Variants in AFF3 observed in about 807,000 individuals in gnomAD.
AFF3 encodes the protein AF4/FMR2 family member 3.
Under a neutral mutation model 129.7 loss-of-function variants are expected in AFF3, and 32 were observed. The observed-to-expected ratio is 0.25, with a 90% CI of 0.19 to 0.33. The LOEUF is 0.33. AFF3 is among the 10% of genes least tolerant of loss of function. The probability of loss-of-function intolerance (pLI) is 1.00; values close to 1 mark genes in which losing one functional copy is unlikely to be tolerated. For synonymous variants in AFF3, 644 were observed against 635.4 expected (o/e 1.01, Z -0.20); for missense variants, 1,373 against 1,592.0 (o/e 0.86, Z 2.34).
intron 12 of AFF3, among the ~76,000 whole-genome samples, chr2:99,665,463 T>C (rs1000573507): frequency 1.3e-5 from 2 of 152,222 alleles, no homozygotes; most frequent in African/African-American, 4.8e-5. Flanking sequence ...CTGGAACAGC[T>C]GGGCATCTGG....
chr2:99,663,169 T>C (rs1686391946), intron 12 of AFF3, among the ~76,000 whole-genome samples: 1 of 152,226 alleles, frequency 6.6e-6, no homozygotes, highest in Non-Finnish European at 1.5e-5. Context: ...GCAATTGTCA[T>C]ATTAAAAAGA....
At chr2:100,020,113 A>C (rs1487288725) in intron 4 of AFF3, among the ~76,000 whole-genome samples, 1 of 152,018 alleles carries the variant, frequency 6.6e-6, no homozygotes, top group Non-Finnish European at 1.5e-5. Flanking sequence ...TGGTTTCCCT[A>C]AACATGCAAT....
intron 7 of AFF3, among the ~76,000 whole-genome samples, chr2:99,854,312 A>C (rs1262770662): frequency 6.6e-6 from 1 of 151,512 alleles, no homozygotes; most frequent in East Asian, 1.9e-4. Context: ...CAATGGTCTC[A>C]GTGCAGAACT....
At chr2:100,100,737 T>C (rs1690662818) in intron 4 of AFF3, among the ~76,000 whole-genome samples, 1 of 152,214 alleles carries the variant, frequency 6.6e-6, no homozygotes, top group Admixed American at 6.5e-5. Flanking sequence ...AACAAATATT[T>C]GTTAAACGAA....
chr2:100,073,471 G>T (rs905642947), intron 4 of AFF3, among the ~76,000 whole-genome samples: 6 of 152,162 alleles, frequency 3.9e-5, no homozygotes, highest in Non-Finnish European at 7.3e-5. Context: ...CAGCCTTCCA[G>T]CCCCCAGGAC....
At chr2:99,856,885 C>T (rs971648287) in intron 7 of AFF3, among the ~76,000 whole-genome samples, 1 of 152,050 alleles carries the variant, frequency 6.6e-6, no homozygotes, top group Non-Finnish European at 1.5e-5. Context: ...AGAAAACTCT[C>T]TAAAATGATG....
intron 2 of AFF3, among the ~76,000 whole-genome samples, chr2:100,128,108 A>G (rs1447668738): frequency 6.6e-6 from 1 of 151,272 alleles, no homozygotes; most frequent in African/African-American, 2.5e-5. Flanking sequence ...TATATCATCT[A>G]AAAATGGGAG....
intron 9 of AFF3, among the ~76,000 whole-genome samples, chr2:99,744,621 A>G (rs1224775032): frequency 6.6e-6 from 1 of 152,188 alleles, no homozygotes; most frequent in Non-Finnish European, 1.5e-5. Context: ...GATATTTCAT[A>G]TAAATGGAAT....
At chr2:99,715,388 T>C (rs1678280233) in intron 11 of AFF3, among the ~76,000 whole-genome samples, 1 of 152,212 alleles carries the variant, frequency 6.6e-6, no homozygotes. Context: ...TTATGAATAT[T>C]GTTATAACAG....
At chr2:99,749,664 G>A (rs1681465818) in intron 9 of AFF3, among the ~76,000 whole-genome samples, 1 of 152,184 alleles carries the variant, frequency 6.6e-6, no homozygotes, top group Admixed American at 6.5e-5. Flanking sequence ...GGAAGGGCTA[G>A]AAGCCTGGGA....
intron 11 of AFF3, among the ~76,000 whole-genome samples, chr2:99,673,592 C>T (rs1174202230): frequency 6.6e-6 from 1 of 152,194 alleles, no homozygotes. Context: ...TCTGAGGGAG[C>T]AGGGGAGAGC....
intron 8 of AFF3, among the ~76,000 whole-genome samples, chr2:99,782,881 G>C (rs531623200): frequency 1.3e-5 from 2 of 152,232 alleles, no homozygotes; most frequent in African/African-American, 4.8e-5. Context: ...TGAGTGTGTA[G>C]AGGATCTGTT....
chr2:99,561,344 G>C (rs191822524), intron 20 of AFF3, among the ~76,000 whole-genome samples: 1 of 152,310 alleles, frequency 6.6e-6, no homozygotes, highest in South Asian at 2.1e-4. Flanking sequence ...TCAACATGCA[G>C]ACTTGTAGCA....
chr2:99,991,645 G>A (rs1438803889), intron 7 of AFF3, among the ~76,000 whole-genome samples: 2 of 152,172 alleles, frequency 1.3e-5, no homozygotes, highest in Admixed American at 6.5e-5. Flanking sequence ...GCTCATGCCT[G>A]TAATCTCAGC....
Position 99,551,366 on chromosome 2 carries a change from C to A in AFF3, c.*108G>T. 7.0e-7 allele frequency: 1 copy of A among 1,430,192 alleles called. No homozygotes were observed. The highest frequency in any genetic ancestry group is 1.3e-5 in the South Asian group (1 of 79,222). The allele number at this position is 1,430,192 out of a possible 1,614,324, so 88.6% of individuals were successfully genotyped here. ...CATTGTTCAATGCTGAGGAAATGTT[C>A]ACCGCAGTCTGATAAATGCTGTGGC... is the stretch of plus-strand genomic sequence containing the variant. On this transcript the variant is annotated 3_prime_UTR_variant, in exon 25 of 25. Coordinates refer to ENST00000672756, the MANE Select transcript of AFF3 (RefSeq NM_001386135.1).
Position 99,872,635 on chromosome 2 carries a change from A to T in AFF3, c.874-35111T>A, listed in dbSNP as rs533271594. Among the ~76,000 whole-genome samples the T allele has an allele frequency of 8.1e-5, 12 of 148,340 alleles. No individual in the cohort carries two copies. The South Asian group carries it at 2.1e-3, about 26-fold the overall frequency. ...AAAATAAAATAAAATAAAATAAAAT[A>T]AAATAAAATAAAATTTATCGGTCTA... On this transcript the variant is annotated intron_variant, in intron 7 of 24. Coordinates refer to ENST00000672756, the MANE Select transcript of AFF3 (RefSeq NM_001386135.1).
intron 7 of AFF3, among the ~76,000 whole-genome samples, chr2:99,880,767 A>T (rs2106013225): frequency 6.6e-6 from 1 of 152,256 alleles, no homozygotes; most frequent in African/African-American, 2.4e-5. Context: ...TAGGCTGGGC[A>T]AGGAGATCAG....
intron 8 of AFF3, among the ~76,000 whole-genome samples, chr2:99,835,447 G>A (rs1404571675): frequency 2.6e-5 from 4 of 152,136 alleles, no homozygotes; most frequent in South Asian, 2.1e-4. Context: ...TGGAGGTGAA[G>A]AGGGGTAGAG....
At chr2:100,088,645 C>T (rs996859990) in intron 4 of AFF3, among the ~76,000 whole-genome samples, 3 of 149,966 alleles carry the variant, frequency 2.0e-5, no homozygotes, top group African/African-American at 7.4e-5. Flanking sequence ...GATTTTGAAG[C>T]AATACAAGAT....
Sources: gnomAD v4.1 joint callset for allele counts (sites outside exome capture counted in the v4.1 genomes callset) on GRCh38, gnomAD v4.1.1 for gene constraint, MANE v1.5 for transcripts, NCBI Gene and HGNC (gene_info 2026-07-23, HGNC 2026-07-21) for gene names.